NPIPB2: variants seen among roughly 807,000 people sequenced by gnomAD.
NPIPB2 encodes the protein nuclear pore complex-interacting protein family member B2.
In NPIPB2, 27 loss-of-function variants were observed where a neutral mutation model predicts 30.8. That is an observed-to-expected ratio of 0.88 (90% CI 0.65 to 1.21). NPIPB2 has a LOEUF of 1.21. Among genes scored for constraint, NPIPB2 ranks in the 50% most tolerant of loss-of-function variants. NPIPB2 has a pLI of 0.00. For missense variants in NPIPB2, 440 were observed against 446.2 expected (o/e 0.99, Z 0.13); for synonymous variants, 147 against 162.0 (o/e 0.91, Z 0.70).
chr16:11,952,296 A>G (rs890602975), intron 1 of NPIPB2, among the ~76,000 whole-genome samples: 2 of 151,640 alleles, frequency 1.3e-5, no homozygotes, highest in Non-Finnish European at 2.9e-5. Context: ...TGAAGTGAGC[A>G]GAGATCGCGC....
At chr16:11,976,408 G>C (rs2055297830) in intron 1 of NPIPB2, among the ~76,000 whole-genome samples, 1 of 152,230 alleles carries the variant, frequency 6.6e-6, no homozygotes, top group South Asian at 2.1e-4. Flanking sequence ...ATCCGCCTGT[G>C]CCCACGCTTT....
chr16:11,952,696 T>G (rs1447543187), intron 1 of NPIPB2, among the ~76,000 whole-genome samples: 1 of 151,604 alleles, frequency 6.6e-6, no homozygotes, highest in African/African-American at 2.4e-5. Context: ...TCCTGAGTAG[T>G]TGGGACTACA....
chr16:11,956,447 G>A (rs538696166), intron 1 of NPIPB2, among the ~76,000 whole-genome samples: 3 of 152,256 alleles, frequency 2.0e-5, no homozygotes, highest in African/African-American at 7.2e-5. Context: ...AGGCTGAGGC[G>A]GGCAGATCAC....
chr16:11,940,762 A>T (rs1274078753), intron 1 of NPIPB2, among the ~76,000 whole-genome samples: 2 of 140,316 alleles, frequency 1.4e-5, no homozygotes, highest in African/African-American at 5.4e-5. Context: ...TCTGTCTAAA[A>T]AAAAAAAAAA....
intron 1 of NPIPB2, among the ~76,000 whole-genome samples, chr16:11,938,796 T>C (rs867285114): frequency 1.3e-5 from 2 of 152,224 alleles, no homozygotes; most frequent in South Asian, 4.1e-4. Flanking sequence ...TCACCCAGGC[T>C]AGATTGCAGT....
Position 11,951,666 on chromosome 16 carries a change from A to ACACACCCC in NPIPB2, c.-583-9553_-583-9552insGGGGTGTG, listed in dbSNP as rs1226047972. On this transcript the variant is annotated intron_variant, in intron 1 of 5. Coordinates refer to the NPIPB2 transcript ENST00000538896. ...CACACACACACACACACACACACAC[A>ACACACCCC]CCCAGCCCCCAAACAACAAAATTCA... is the stretch of plus-strand genomic sequence containing the variant. Among the ~76,000 whole-genome samples, 822 of 138,866 alleles carry ACACACCCC rather than the reference A, an allele frequency of 5.9e-3. 18 individuals are homozygous for ACACACCCC. Among genetic ancestry groups the ACACACCCC allele is most frequent in the South Asian group, 0.024 (95 of 3,884 alleles). 91.1% of individuals were successfully genotyped at this position (138,866 alleles called of 152,430 possible).
At chr16:11,941,744 C>G (rs2054944697) in intron 1 of NPIPB2, 1 of 861,900 alleles carries the variant, frequency 1.2e-6, no homozygotes, top group Middle Eastern at 3.3e-4. Context: ...AATGGACATG[C>G]CAAGTAGCGC....
In NPIPB2 at chr16:11,930,566, G is replaced by A; in HGVS notation, c.489-15C>T. The stretch of plus-strand genomic sequence containing the variant: ...CGCTTAGTTTCCTCAGATTAGAAGG[G>A]AGAGAAATGCACACACATGATCCAC... On this transcript the variant is annotated splice_polypyrimidine_tract_variant and intron_variant, in intron 4 of 7. Transcript: ENST00000399147. 1.3e-6 allele frequency: 2 copies of A among 1,552,398 alleles called. No homozygotes were observed. Among genetic ancestry groups the A allele is most frequent in the Non-Finnish European group, 1.7e-6 (2 of 1,156,726 alleles).
chr16:11,931,662 A>G (rs1303888782), intron 4 of NPIPB2, among the ~76,000 whole-genome samples: 5 of 143,392 alleles, frequency 3.5e-5, no homozygotes, highest in Admixed American at 7.1e-5. Context: ...TGCACTTGGG[A>G]ACTAGAAACA....
Position 11,967,277 on chromosome 16 carries a change from C to T in NPIPB2, c.-584+9291G>A, listed in dbSNP as rs11570156. 5.8e-3 allele frequency: 1,948 copies of T among 334,452 alleles called. 47 individuals are homozygous for T. Among genetic ancestry groups the T allele is most frequent in the African/African-American group, 0.038 (1,799 of 47,238 alleles). 20.7% of individuals were successfully genotyped at this position (334,452 alleles called of 1,614,324 possible). A position where few individuals can be genotyped will look rare whatever the true frequency, so the allele number is the denominator to read the frequency against. Reference sequence around the variant, plus strand: ...TCAGCTTCCCAAAGTGCTGGGATTACAGGCGTGAGCCACAGGGCCCAGCAC... The same window carrying T: ...TCAGCTTCCCAAAGTGCTGGGATTATAGGCGTGAGCCACAGGGCCCAGCAC... On this transcript the variant is annotated intron_variant, in intron 1 of 5. Transcript: ENST00000538896.
At position 11,931,322 on chromosome 16, in the gene NPIPB2, A is replaced by C. The variant is rs865802008; in HGVS notation, c.489-771T>G. On this transcript the variant is annotated intron_variant, in intron 4 of 7. Coordinates refer to ENST00000399147, the Ensembl canonical transcript of NPIPB2. ...TGAGGGCAGAAAAAGGAAACGGCCT[A>C]AAAAGGGTAAGTTTGCTGTGTTGCC... Among the ~76,000 whole-genome samples the C allele has an allele frequency of 5.3e-3, 751 of 141,802 alleles. 5 individuals carry two copies. The highest frequency in any genetic ancestry group is 0.016 in the African/African-American group (611 of 37,538). The allele number at this position is 141,802 out of a possible 152,430, so 93.0% of individuals were successfully genotyped here. A position where few individuals can be genotyped will look rare whatever the true frequency, so the allele number is the denominator to read the frequency against.
chr16:11,942,067 G>A (rs755775165), upstream of NPIPB2: 71 of 1,454,206 alleles, frequency 4.9e-5, 1 homozygote, highest in Middle Eastern at 2.1e-3. Context: ...GGAAGGTCCC[G>A]ATAGTAAACC....
At chr16:11,973,346 T>A (rs1239443122) in intron 1 of NPIPB2, among the ~76,000 whole-genome samples, 2 of 152,128 alleles carry the variant, frequency 1.3e-5, no homozygotes, top group Non-Finnish European at 2.9e-5. Context: ...GAGAATTTTA[T>A]TTTTGGTTTA....
At chr16:11,971,438 G>C (rs367839823) in intron 1 of NPIPB2, among the ~76,000 whole-genome samples, 1 of 151,610 alleles carries the variant, frequency 6.6e-6, no homozygotes, top group African/African-American at 2.4e-5. Flanking sequence ...CAGGTATGGG[G>C]GAGTGGGGTG....
chr16:11,955,151 C>G (rs922892583), intron 1 of NPIPB2, among the ~76,000 whole-genome samples: 3 of 151,688 alleles, frequency 2.0e-5, no homozygotes, highest in Non-Finnish European at 2.9e-5. Flanking sequence ...GCCAGGAGTC[C>G]GAGACCAGCC....
intron 1 of NPIPB2, chr16:11,966,253 C>A: frequency 6.2e-7 from 1 of 1,613,916 alleles, no homozygotes; most frequent in South Asian, 1.1e-5. Flanking sequence ...TGGGACTGAG[C>A]TTAATAATTT....
chr16:11,966,314 C>G (rs772859510), intron 1 of NPIPB2: 1 of 1,613,156 alleles, frequency 6.2e-7, no homozygotes, highest in South Asian at 1.1e-5. Context: ...AAACTCTGAA[C>G]CATTAAAGGA....
chr16:11,927,585 G>C (rs748533387), exon 8 of NPIPB2: 1 of 1,608,328 alleles, frequency 6.2e-7, no homozygotes, highest in Non-Finnish European at 8.5e-7. Flanking sequence ...TCAGCCTCCT[G>C]AGTAGCTAAG....
intron 1 of NPIPB2, among the ~76,000 whole-genome samples, chr16:11,973,115 G>A (rs1015098411): frequency 7.0e-6 from 1 of 143,378 alleles, no homozygotes; most frequent in Non-Finnish European, 1.5e-5. Flanking sequence ...GCGGTGAGCC[G>A]AGATTGTGCC....
Sources: allele counts gnomAD v4.1 joint callset (sites outside exome capture counted in the v4.1 genomes callset), GRCh38; gene constraint gnomAD v4.1.1; transcripts MANE v1.5; gene names NCBI Gene and HGNC (gene_info 2026-07-23, HGNC 2026-07-21).